ARPP21: variants seen among roughly 807,000 people sequenced by gnomAD.
The protein encoded by ARPP21 is cAMP-regulated phosphoprotein 21.
ARPP21 carries 69 observed loss-of-function variants against 113.2 expected under a neutral mutation model. The observed-to-expected ratio is 0.61, with a 90% confidence interval of 0.50 to 0.74. The LOEUF (loss-of-function observed/expected upper bound fraction) is 0.74. Among genes scored for constraint, ARPP21 ranks in the 30% least tolerant of loss-of-function variants. The pLI is 0.00. For synonymous variants in ARPP21, 368 were observed against 375.5 expected (o/e 0.98, Z 0.23); for missense variants, 1,070 against 1,037.4 (o/e 1.03, Z -0.43).
chr3:35,703,780 A>G (rs905209206), intron 9 of ARPP21, among the ~76,000 whole-genome samples: 4 of 151,944 alleles, frequency 2.6e-5, no homozygotes, highest in Admixed American at 2.6e-4. Context: ...ATATTAATAC[A>G]TTAAAAGTTA....
intron 1 of ARPP21, among the ~76,000 whole-genome samples, chr3:35,666,098 C>A (rs964630928): frequency 6.6e-6 from 1 of 151,988 alleles, no homozygotes; most frequent in Non-Finnish European, 1.5e-5. Context: ...GATACTCAGT[C>A]AAGGAGATTA....
At chr3:35,649,094 T>C (rs1329589817) in intron 1 of ARPP21, among the ~76,000 whole-genome samples, 1 of 152,190 alleles carries the variant, frequency 6.6e-6, no homozygotes, top group East Asian at 1.9e-4. Flanking sequence ...TCTTGGCTAG[T>C]ATAGTGCTTG....
intron 1 of ARPP21, among the ~76,000 whole-genome samples, chr3:35,649,764 T>C (rs1000434914): frequency 6.6e-6 from 1 of 152,132 alleles, no homozygotes; most frequent in African/African-American, 2.4e-5. Context: ...TAGGAAGCTC[T>C]TCTCTTCCTG....
At chr3:35,683,623 T>C in intron 4 of ARPP21, 103 bp from the exon 5 acceptor site, 1 of 683,696 alleles carries the variant, frequency 1.5e-6, no homozygotes, top group Middle Eastern at 3.4e-4. Context: ...AAAATCTCAT[T>C]TGGGGAAGTT....
intron 1 of ARPP21, among the ~76,000 whole-genome samples, chr3:35,660,975 T>C (rs1266318754): frequency 1.3e-5 from 2 of 152,232 alleles, no homozygotes; most frequent in Admixed American, 1.3e-4. Flanking sequence ...TCCTTGTTTT[T>C]AGCAGATTAT....
chr3:35,778,432 C>T (rs1017565654), intron 19 of ARPP21, among the ~76,000 whole-genome samples: 18 of 151,694 alleles, frequency 1.2e-4, no homozygotes, highest in Admixed American at 3.3e-4. Context: ...CAGTCCTCAC[C>T]GTTCCCTTTT....
intron 5 of ARPP21, chr3:35,685,608 G>A: frequency 1.0e-6 from 1 of 985,216 alleles, no homozygotes; most frequent in Non-Finnish European, 1.2e-6. Flanking sequence ...CACAGTATTT[G>A]GAAAACTGCC....
At chr3:35,664,864 T>C (rs1031323352) in intron 1 of ARPP21, among the ~76,000 whole-genome samples, 5 of 152,140 alleles carry the variant, frequency 3.3e-5, no homozygotes, top group African/African-American at 1.2e-4. Flanking sequence ...TCCAGGCTGC[T>C]ATGTGGCCTG....
In ARPP21 at chr3:35,689,538, C is replaced by T. The variant is rs193207062; in HGVS notation, c.485+153C>T. 2.4e-3 allele frequency among the ~76,000 whole-genome samples: 358 copies of T among 151,596 alleles called. 2 individuals are homozygous for T. The highest frequency in any genetic ancestry group is 6.3e-3 in the Admixed American group (96 of 15,196). ...TCTCCTGTATTTTTTTTCTACTAAT[C>T]GTTTGCATGTTTACTTTTTATAGAG... On this transcript the variant is annotated intron_variant, in intron 7 of 20. Transcript: ENST00000684406.
chr3:35,643,630 A>G (rs1699011538), intron 1 of ARPP21: 1 of 152,062 alleles, frequency 6.6e-6, no homozygotes, highest in African/African-American at 2.4e-5. Flanking sequence ...CACAATATAC[A>G]AGGTAGCCAG....
intron 15 of ARPP21, among the ~76,000 whole-genome samples, chr3:35,733,386 T>C (rs2094130084): frequency 6.6e-6 from 1 of 152,230 alleles, no homozygotes; most frequent in South Asian, 2.1e-4. Flanking sequence ...TCCTTTTCTC[T>C]GCGCCTGCTC....
At chr3:35,669,943 A>T (rs1194282165) in intron 1 of ARPP21, among the ~76,000 whole-genome samples, 1 of 152,118 alleles carries the variant, frequency 6.6e-6, no homozygotes, top group Non-Finnish European at 1.5e-5. Context: ...TACTGCATGG[A>T]CCATTCAGCC....
At chr3:35,662,404 G>A (rs1403976317) in intron 1 of ARPP21, among the ~76,000 whole-genome samples, 1 of 152,180 alleles carries the variant, frequency 6.6e-6, no homozygotes, top group Admixed American at 6.5e-5. Context: ...GATGTCCTGT[G>A]ATGTTGCAGG....
intron 19 of ARPP21, among the ~76,000 whole-genome samples, chr3:35,756,315 T>C (rs1012688929): frequency 4.6e-5 from 7 of 152,140 alleles, no homozygotes; most frequent in Non-Finnish European, 1.0e-4. Context: ...TTAGAGCTTA[T>C]GCGAGTGACA....
intron 18 of ARPP21, among the ~76,000 whole-genome samples, chr3:35,741,595 C>T (rs1044073109): frequency 7.2e-5 from 11 of 152,048 alleles, no homozygotes; most frequent in Admixed American, 3.3e-4. Context: ...AGCACATGGA[C>T]GAGACAAAGA....
At chr3:35,646,812 A>G (rs140880327) in intron 1 of ARPP21, among the ~76,000 whole-genome samples, 2 of 152,278 alleles carry the variant, frequency 1.3e-5, no homozygotes, top group East Asian at 3.9e-4. Flanking sequence ...TTACTTAGAT[A>G]TGCTGATGTT....
chr3:35,779,415 C>T (rs2096469123), intron 19 of ARPP21, among the ~76,000 whole-genome samples: 1 of 151,996 alleles, frequency 6.6e-6, no homozygotes, highest in Non-Finnish European at 1.5e-5. Flanking sequence ...AGTTAGTTAC[C>T]AAAAACTGGG....
Position 35,793,956 on chromosome 3 carries a change from T to C in ARPP21, c.2542T>C (p.Ter848ArgextTer16), listed in dbSNP as rs777870028. Residue 848 changes from the stop codon to arginine, a stop_lost, in exon 21 of 21, where the codon TGA becomes CGA. Transcript: ENST00000684406. ...MSNAGWQVKF[*>R] is the part of the protein sequence containing the mutation. The stretch of plus-strand genomic sequence containing the variant: ...CAATGCTGGTTGGCAGGTCAAATTC[T>C]GAGAGCTCTGGCTGTGGTACATTTC... 1 of 1,612,546 alleles carries C rather than the reference T, an allele frequency of 6.2e-7. No homozygotes were observed. The highest frequency in any genetic ancestry group is 1.1e-5 in the South Asian group (1 of 90,896).
intron 19 of ARPP21, among the ~76,000 whole-genome samples, chr3:35,787,974 T>C (rs193195787): frequency 6.6e-6 from 1 of 152,322 alleles, no homozygotes; most frequent in Admixed American, 6.5e-5. Flanking sequence ...AAATGGAGTT[T>C]AGTAATATTG....
Sources: gnomAD v4.1 joint callset for allele counts (sites outside exome capture counted in the v4.1 genomes callset) on GRCh38, gnomAD v4.1.1 for gene constraint, MANE v1.5 for transcripts, NCBI Gene and HGNC (gene_info 2026-07-23, HGNC 2026-07-21) for gene names.